The following IL2RA variants were observed in gnomAD, a reference collection of about 807,000 sequenced individuals.
IL2RA encodes interleukin 2 receptor subunit alpha.
Under a neutral mutation model 37.8 loss-of-function variants are expected in IL2RA, and 24 were observed. The observed-to-expected ratio is 0.63, with a 90% CI of 0.46 to 0.89. IL2RA has a LOEUF of 0.89. Ranked by LOEUF, IL2RA falls within the 40% of genes least tolerant of loss-of-function variation. The pLI is 0.00. For missense variants in IL2RA, 319 were observed against 348.6 expected (o/e 0.92, Z 0.68); for synonymous variants, 125 against 114.6 (o/e 1.09, Z -0.58).
intron 1 of IL2RA, among the ~76,000 whole-genome samples, chr10:6,031,750 C>T (rs1839598168): frequency 6.6e-6 from 1 of 151,630 alleles, no homozygotes; most frequent in Non-Finnish European, 1.5e-5. Context: ...TAGATTGTAA[C>T]ATTCATTTAA....
In IL2RA at chr10:6,053,663, A is replaced by G. The variant is rs1486749606; in HGVS notation, c.64+8425T>C. ...CAAACTTCCTTATTTAAAATTAATT[A>G]TCATTTTAAAAAATAGAGGTGGGGT... On this transcript the variant is annotated intron_variant, in intron 1 of 7. Transcript: ENST00000379959. Among the ~76,000 whole-genome samples the G allele has an allele frequency of 2.0e-5, 3 of 152,300 alleles. No individual in the cohort carries two copies. In the East Asian group the frequency reaches 5.8e-4, roughly 29 times the overall value.
In IL2RA at chr10:6,036,306, C is replaced by G. The variant is rs1839681896; in HGVS notation, c.65-10281G>C. 1 of 152,348 alleles carries G rather than the reference C, an allele frequency of 6.6e-6. No homozygotes were observed. The highest frequency in any genetic ancestry group is 1.5e-5 in the Non-Finnish European group (1 of 68,054). The allele number at this position is 152,348 out of a possible 1,614,324, so 9.4% of individuals were successfully genotyped here. ...CTTTTCTGACTCCCAGGCACCTGCT[C>G]TCTCCTTTCGAGTGTTCGACTCCAC... is the stretch of plus-strand genomic sequence containing the variant. On this transcript the variant is annotated intron_variant, in intron 1 of 7. Coordinates refer to ENST00000379959, the MANE Select transcript of IL2RA (RefSeq NM_000417.3). This position sits in a 1 kb window ranked among gnomAD's most constrained non-coding sequence, Gnocchi z 6.1.
intron 1 of IL2RA, among the ~76,000 whole-genome samples, chr10:6,061,592 C>T (rs908729380): frequency 6.6e-6 from 1 of 152,090 alleles, no homozygotes; most frequent in Non-Finnish European, 1.5e-5. Flanking sequence ...GACGTAAAAG[C>T]AGTGTATACA....
Position 6,018,141 on chromosome 10 carries a change from T to C in IL2RA, c.728-22A>G. The C allele has an allele frequency of 6.2e-7, 1 of 1,603,474 alleles. No individual in the cohort carries two copies. Among genetic ancestry groups the C allele is most frequent in the African/African-American group, 1.3e-5 (1 of 74,780 alleles). On this transcript the variant is annotated intron_variant, in intron 6 of 7. Coordinates refer to ENST00000379959, the MANE Select transcript of IL2RA (RefSeq NM_000417.3). This position sits in a 1 kb window ranked among gnomAD's most constrained non-coding sequence, Gnocchi z 5.1. The stretch of plus-strand genomic sequence containing the variant: ...GCCACTGTCAATAGAGAGAGGGAGT[T>C]CAGCAAAGGGCCCTGGGCTTGGCAT...
intron 1 of IL2RA, chr10:6,039,674 G>A (rs897546256): frequency 1.3e-5 from 2 of 152,122 alleles, no homozygotes; most frequent in Non-Finnish European, 2.9e-5. Flanking sequence ...TAAAGCTCTG[G>A]GTGTCAGAAT....
chr10:6,016,182 G>A (rs28741372), intron 7 of IL2RA, among the ~76,000 whole-genome samples: 4,396 of 152,256 alleles, frequency 0.029, 96 homozygotes, highest in South Asian at 0.12. Flanking sequence ...TGTTGTTATT[G>A]CAGGAGTGGG....
intron 1 of IL2RA, among the ~76,000 whole-genome samples, chr10:6,031,986 T>G (rs559093675): frequency 6.6e-6 from 1 of 152,166 alleles, no homozygotes; most frequent in Non-Finnish European, 1.5e-5. Flanking sequence ...AGCGTAGTAT[T>G]AGCATAAGGA....
chr10:6,031,472 A>G (rs7088640), intron 1 of IL2RA, among the ~76,000 whole-genome samples: 4 of 22,394 alleles, frequency 1.8e-4, no homozygotes, highest in African/African-American at 3.7e-4. Flanking sequence ...ATATATATAT[A>G]TATATATATA....
At chr10:6,037,569 A>T (rs2132876477) in intron 1 of IL2RA, among the ~76,000 whole-genome samples, 1 of 152,328 alleles carries the variant, frequency 6.6e-6, no homozygotes, top group East Asian at 1.9e-4. Flanking sequence ...GAGCTTTACA[A>T]GGGACACAGG....
chr10:6,038,785 A>G (rs4405212), intron 1 of IL2RA, among the ~76,000 whole-genome samples: 151,662 of 152,344 alleles, frequency 1, 75,498 homozygotes, highest in Middle Eastern at 1. Flanking sequence ...GGTTAAATCT[A>G]GGCTTTGTAA....
At chr10:6,023,184 C>T (rs1281208415) in intron 3 of IL2RA, among the ~76,000 whole-genome samples, 1 of 152,194 alleles carries the variant, frequency 6.6e-6, no homozygotes, top group Non-Finnish European at 1.5e-5. Context: ...GGTCCTGACT[C>T]ATTGTATAGC....
At chr10:6,026,870 G>T (rs1839491663) in intron 1 of IL2RA, among the ~76,000 whole-genome samples, 1 of 152,162 alleles carries the variant, frequency 6.6e-6, no homozygotes. Flanking sequence ...GCTGATCAGG[G>T]CTGCTGGCTG....
In IL2RA at chr10:6,047,327, G is replaced by A. The variant is rs546652477; in HGVS notation, c.64+14761C>T. ...GTGGCCTGTGCCACACTCAGAACGC[G>A]GGATGAACATAGAGGAAACACTAGA... On this transcript the variant is annotated intron_variant, in intron 1 of 7. Transcript: ENST00000379959. The surrounding 1 kb of genome is among the most constrained non-coding windows in gnomAD (Gnocchi z 5.0). 7.3e-4 allele frequency among the ~76,000 whole-genome samples: 111 copies of A among 152,276 alleles called. 1 individual carries two copies. Among genetic ancestry groups the A allele is most frequent in the Middle Eastern group, 3.4e-3 (1 of 294 alleles).
At chr10:6,043,821 C>T (rs1440050947) in intron 1 of IL2RA, among the ~76,000 whole-genome samples, 1 of 152,210 alleles carries the variant, frequency 6.6e-6, no homozygotes, top group Non-Finnish European at 1.5e-5. Flanking sequence ...ATGATGGGCA[C>T]ATGTTGGTTA....
rs909115762 is a variant in IL2RA at position 6,038,040 on chromosome 10, A to G, written c.65-12015T>C. Among the ~76,000 whole-genome samples, 4 of 152,208 alleles carry G rather than the reference A, an allele frequency of 2.6e-5. No homozygotes were observed. The South Asian group carries it at 6.2e-4, about 24-fold the overall frequency. ...AGAACATCCCTTTTAATGGTATCAT[A>G]GAATATGAGAACTAGAAGAGAGCTC... On this transcript the variant is annotated intron_variant, in intron 1 of 7. Coordinates refer to ENST00000379959, the MANE Select transcript of IL2RA (RefSeq NM_000417.3).
chr10:6,024,424 C>G, intron 2 of IL2RA, 70 bp from the exon 3 acceptor site: 2 of 1,154,696 alleles, frequency 1.7e-6, no homozygotes, highest in Non-Finnish European at 2.6e-6. Context: ...TTCATGTATT[C>G]ATTCACTTGA....
In IL2RA at chr10:6,046,309, C is replaced by T. The variant is rs897497134; in HGVS notation, c.64+15779G>A. ...ACTGATTGAGGTTCTGGGGTCCTGGCGCTTTCAGATACTACCATGATCTGC... is the reference window on the plus strand; with the variant it reads ...ACTGATTGAGGTTCTGGGGTCCTGGTGCTTTCAGATACTACCATGATCTGC... On this transcript the variant is annotated intron_variant, in intron 1 of 7. Coordinates refer to ENST00000379959, the MANE Select transcript of IL2RA (RefSeq NM_000417.3). This position sits in a 1 kb window ranked among gnomAD's most constrained non-coding sequence, Gnocchi z 4.8. Among the ~76,000 whole-genome samples the T allele has an allele frequency of 1.3e-5, 2 of 152,110 alleles. No individual in the cohort carries two copies. The highest frequency in any genetic ancestry group is 1.9e-4 in the East Asian group (1 of 5,204).
Position 6,029,197 on chromosome 10 carries a change from T to G in IL2RA, c.65-3172A>C, listed in dbSNP as rs12722678. ...ATTTATTTTTGAGACAGAGTTTCGCTCTTGTTGCCCAGGCTGGAGTGCAAT... is the reference window on the plus strand; with the variant it reads ...ATTTATTTTTGAGACAGAGTTTCGCGCTTGTTGCCCAGGCTGGAGTGCAAT... On this transcript the variant is annotated intron_variant, in intron 1 of 7. Coordinates refer to ENST00000379959, the MANE Select transcript of IL2RA (RefSeq NM_000417.3). The surrounding 1 kb of genome is among the most constrained non-coding windows in gnomAD (Gnocchi z 4.6). Among the ~76,000 whole-genome samples the G allele has an allele frequency of 0.028, 4,301 of 151,320 alleles. 211 individuals are homozygous for G. Among genetic ancestry groups the G allele is most frequent in the African/African-American group, 0.099 (4,054 of 41,140 alleles).
At chr10:6,019,125 AACCAACCT>A (rs200515389) in intron 6 of IL2RA, among the ~76,000 whole-genome samples, 3,062 of 152,166 alleles carry the variant, frequency 0.02, 105 homozygotes, top group African/African-American at 0.07. Context: ...TCAACTTGCC[AACCAACCT>A]ACCAACCAAC....
Sources: gnomAD v4.1 joint callset for allele counts (sites outside exome capture counted in the v4.1 genomes callset) on GRCh38, gnomAD v4.1.1 for gene constraint, Gnocchi (gnomAD v3.1) non-coding constraint, MANE v1.5 for transcripts, NCBI Gene and HGNC (gene_info 2026-07-23, HGNC 2026-07-21) for gene names.